The following SLC25A48 variants were observed in gnomAD, a reference collection of about 807,000 sequenced individuals.
SLC25A48 encodes solute carrier family 25 member 48.
In SLC25A48, 29 loss-of-function variants were observed where a neutral mutation model predicts 32.2. The ratio of observed to expected loss-of-function variants is 0.90; its 90% CI spans 0.67 to 1.23. SLC25A48 has a LOEUF of 1.23. SLC25A48 is among the 50% of genes most tolerant of loss of function. SLC25A48 has a pLI of 0.00. For synonymous variants in SLC25A48, 164 were observed against 172.3 expected (o/e 0.95, Z 0.38); for missense variants, 399 against 422.7 (o/e 0.94, Z 0.49).
intron 3 of SLC25A48, among the ~76,000 whole-genome samples, chr5:135,781,727 G>T (rs75417141): frequency 1.7e-5 from 2 of 116,318 alleles, no homozygotes; most frequent in Non-Finnish European, 4.3e-5. Context: ...AATATTGCAG[G>T]TGCTGTACAC....
chr5:135,647,345 T>C (rs1752988016), intron 3 of SLC25A48, among the ~76,000 whole-genome samples: 1 of 152,202 alleles, frequency 6.6e-6, no homozygotes, highest in Non-Finnish European at 1.5e-5. Context: ...ATTTTTATTA[T>C]CCTTCTCCAT....
chr5:135,865,307 G>C (rs551785643), intron 4 of SLC25A48, among the ~76,000 whole-genome samples: 1 of 152,294 alleles, frequency 6.6e-6, no homozygotes, highest in Non-Finnish European at 1.5e-5. Context: ...ACAGGAACTA[G>C]GTAGGAGCTT....
At chr5:135,714,488 CG>C (rs1435303993) in intron 3 of SLC25A48, among the ~76,000 whole-genome samples, 1 of 152,184 alleles carries the variant, frequency 6.6e-6, no homozygotes, top group African/African-American at 2.4e-5. Context: ...CCCACCATGT[CG>C]GGCTTGCAGT....
At chr5:135,798,890 A>T (rs1411267729) in intron 3 of SLC25A48, among the ~76,000 whole-genome samples, 2 of 151,642 alleles carry the variant, frequency 1.3e-5, no homozygotes, top group African/African-American at 4.8e-5. Flanking sequence ...ATCCATGGGG[A>T]TGACGATGAT....
intron 3 of SLC25A48, among the ~76,000 whole-genome samples, chr5:135,713,997 G>A (rs1325531822): frequency 6.6e-6 from 1 of 152,230 alleles, no homozygotes; most frequent in Non-Finnish European, 1.5e-5. Flanking sequence ...GGCTGGAGCA[G>A]GAGTGCGGGC....
chr5:135,646,261 C>A (rs1017607216), intron 3 of SLC25A48, among the ~76,000 whole-genome samples: 8 of 113,548 alleles, frequency 7.0e-5, no homozygotes, highest in Admixed American at 2.7e-4. Context: ...CCCTCTCCGG[C>A]CGGCTTGGCT....
intron 3 of SLC25A48, among the ~76,000 whole-genome samples, chr5:135,684,666 T>G (rs993966886): frequency 9.8e-5 from 15 of 152,348 alleles, no homozygotes; most frequent in African/African-American, 3.4e-4. Context: ...CTGGGGGATC[T>G]GGTTGGGCCC....
At chr5:135,771,767 G>A (rs1209003805) in intron 3 of SLC25A48, among the ~76,000 whole-genome samples, 1 of 150,560 alleles carries the variant, frequency 6.6e-6, no homozygotes, top group Non-Finnish European at 1.5e-5. Flanking sequence ...CTTCCAATAC[G>A]GCAGTGGGTG....
At chr5:135,582,666 G>A in intron 1 of SLC25A48, among the ~76,000 whole-genome samples, 1 of 152,120 alleles carries the variant, frequency 6.6e-6, no homozygotes, top group Non-Finnish European at 1.5e-5. Flanking sequence ...ACCCAATCAT[G>A]ACCAGCACCT....
intron 3 of SLC25A48, among the ~76,000 whole-genome samples, chr5:135,709,674 G>C (rs1006075856): frequency 6.6e-5 from 10 of 152,230 alleles, no homozygotes; most frequent in African/African-American, 2.4e-4. Context: ...TTGAATCTTG[G>C]CTTGCTGACT....
chr5:135,785,268 C>A (rs1007955944), intron 3 of SLC25A48, among the ~76,000 whole-genome samples: 4 of 152,050 alleles, frequency 2.6e-5, no homozygotes, highest in African/African-American at 9.7e-5. Flanking sequence ...TGATATTATT[C>A]CCCATGGAAC....
In SLC25A48 at chr5:135,774,027, T is replaced by TGTA. The variant is rs369655693; in HGVS notation, c.-520-38496_-520-38495insGTA. Among the ~76,000 whole-genome samples, 779 of 151,756 alleles carry TGTA rather than the reference T, an allele frequency of 5.1e-3. 4 individuals carry two copies. The highest frequency in any genetic ancestry group is 0.018 in the African/African-American group (748 of 41,420). On this transcript the variant is annotated intron_variant, in intron 3 of 10. Coordinates refer to the SLC25A48 transcript ENST00000646290. ...ATATTACTCCCAATATCGCAGGCAG[T>TGTA]CTACACCTCCCAAAATAGCAGGGGG... is the stretch of plus-strand genomic sequence containing the variant.
intron 4 of SLC25A48, chr5:135,827,067 C>T (rs1327872691): frequency 2.0e-5 from 3 of 152,324 alleles, no homozygotes; most frequent in Admixed American, 1.3e-4. Flanking sequence ...CCCAGGCTCA[C>T]CTGGTGAGTG....
chr5:135,622,733 A>G lies in SLC25A48; in HGVS notation c.-848-6504A>G, dbSNP rs547419024. On this transcript the variant is annotated intron_variant, in intron 1 of 10. Transcript: ENST00000646290. ...TTCTTTACACATTTTTTATTTTCCAATTTTGTGCGATGTACATGTATTACA... is the reference window on the plus strand; with the variant it reads ...TTCTTTACACATTTTTTATTTTCCAGTTTTGTGCGATGTACATGTATTACA... Among the ~76,000 whole-genome samples the G allele has an allele frequency of 4.7e-3, 710 of 152,322 alleles. 5 individuals are homozygous for G. Among genetic ancestry groups the G allele is most frequent in the African/African-American group, 0.016 (664 of 41,570 alleles).
chr5:135,881,155 C>G (rs150176429), intron 7 of SLC25A48, among the ~76,000 whole-genome samples: 23 of 152,212 alleles, frequency 1.5e-4, no homozygotes, highest in Admixed American at 1.3e-4. Flanking sequence ...CATTGTCTGG[C>G]CCCATACCGG....
chr5:135,768,923 G>GGGGTTGTA (rs1238893067), intron 3 of SLC25A48, among the ~76,000 whole-genome samples: 1 of 151,878 alleles, frequency 6.6e-6, no homozygotes, highest in African/African-American at 2.4e-5. Flanking sequence ...CAATATCGCA[G>GGGGTTGTA]GGGTTGTAGA....
At chr5:135,749,551 A>G (rs1755720925) in intron 3 of SLC25A48, among the ~76,000 whole-genome samples, 1 of 151,206 alleles carries the variant, frequency 6.6e-6, no homozygotes, top group Admixed American at 6.6e-5. Flanking sequence ...ATCCACTAAC[A>G]CCTGAGGACC....
At chr5:135,766,230 T>C (rs1756222289) in intron 3 of SLC25A48, among the ~76,000 whole-genome samples, 1 of 151,604 alleles carries the variant, frequency 6.6e-6, no homozygotes, top group Non-Finnish European at 1.5e-5. Context: ...TTACTCCCCA[T>C]ATCGCGGTGG....
intron 1 of SLC25A48, among the ~76,000 whole-genome samples, chr5:135,836,959 T>TCCCCCCCCTCCCCCCCCCC (rs1758559331): frequency 4.0e-5 from 1 of 24,830 alleles, no homozygotes; most frequent in African/African-American, 1.3e-4. Flanking sequence ...TTTGATATTA[T>TCCCCCCCCTCCCCCCCCCC]CCCCCCCCCC....
Sources: allele counts gnomAD v4.1 joint callset (sites outside exome capture counted in the v4.1 genomes callset), GRCh38; gene constraint gnomAD v4.1.1; transcripts MANE v1.5; gene names NCBI Gene and HGNC (gene_info 2026-07-23, HGNC 2026-07-21).